The following DSC3 variants were observed in gnomAD, a reference collection of about 807,000 sequenced individuals.
DSC3 encodes the protein desmocollin-3.
DSC3 carries 97 observed loss-of-function variants against 89.5 expected under a neutral mutation model. The ratio of observed to expected loss-of-function variants is 1.08; its 90% CI spans 0.92 to 1.28. The LOEUF is 1.28. Ranked by LOEUF, DSC3 falls within the 50% of genes most tolerant of loss-of-function variation. The pLI is 0.00. For missense variants in DSC3, 1,199 were observed against 1,085.3 expected (o/e 1.10, Z -1.47); for synonymous variants, 436 against 384.1 (o/e 1.14, Z -1.58).
rs1405977539 is a variant in DSC3 at position 31,014,551 on chromosome 18, T to C, written c.1263+3520A>G. Among the ~76,000 whole-genome samples the C allele has an allele frequency of 2.0e-5, 3 of 152,072 alleles. No homozygotes were observed. The East Asian group carries it at 5.8e-4, about 29-fold the overall frequency. ...ATTTGAAAATTACTGGCCTTATTAA[T>C]AAATAAATGTAATAAAGAATCTATT... On this transcript the variant is annotated intron_variant, in intron 9 of 15. Transcript: ENST00000360428.
At chr18:31,012,233 T>C (rs1360663808) in intron 9 of DSC3, among the ~76,000 whole-genome samples, 2 of 152,120 alleles carry the variant, frequency 1.3e-5, no homozygotes, top group Non-Finnish European at 2.9e-5. Context: ...AAGGAGCTAG[T>C]AATGTCAGAA....
At position 31,024,207 on chromosome 18, in the gene DSC3, G is replaced by T. The variant is rs538480478; in HGVS notation, c.775+142C>A. On this transcript the variant is annotated intron_variant, in intron 6 of 15. Transcript: ENST00000360428. ...GGCACATGTTGATTGAAAGTGATGG[G>T]ATTAAGTGTTTTCTGGTAAGTAGAT... 7.2e-5 allele frequency: 52 copies of T among 723,006 alleles called. 1 individual carries two copies. The South Asian group carries it at 1.3e-3, about 18-fold the overall frequency. 44.8% of individuals were successfully genotyped at this position (723,006 alleles called of 1,614,324 possible).
chr18:31,028,242 T>C (rs1383536801), intron 4 of DSC3, among the ~76,000 whole-genome samples: 1 of 151,896 alleles, frequency 6.6e-6, no homozygotes. Flanking sequence ...ATGAGGAAGA[T>C]CCAGCCAAAC....
chr18:31,001,089 G>GTGTGTATATA (rs141615987), intron 14 of DSC3, among the ~76,000 whole-genome samples: 3 of 126,044 alleles, frequency 2.4e-5, no homozygotes, highest in East Asian at 3.0e-4. Context: ...TTGTGTGTGT[G>GTGTGTATATA]TATATATATA....
rs1984771667 is a variant in DSC3, at chr18:31,004,461, A to G, written c.1889-95T>C. On this transcript the variant is annotated intron_variant, in intron 12 of 15. Coordinates refer to ENST00000360428, the MANE Select transcript of DSC3 (RefSeq NM_001941.5). ...GCTTGTTTTTGAAGGCGTCATTCTC[A>G]AGGAACTGCCTGCCAGATGAAAATA... 1.8e-5 allele frequency: 19 copies of G among 1,082,164 alleles called. 1 individual carries two copies. In the South Asian group the frequency reaches 2.5e-4, roughly 14 times the overall value. The allele number at this position is 1,082,164 out of a possible 1,614,324, so 67.0% of individuals were successfully genotyped here. A position where few individuals can be genotyped will look rare whatever the true frequency, so the allele number is the denominator to read the frequency against.
intron 1 of DSC3, among the ~76,000 whole-genome samples, chr18:31,033,443 T>C (rs1481923707): frequency 6.6e-6 from 1 of 152,118 alleles, no homozygotes; most frequent in Non-Finnish European, 1.5e-5. Flanking sequence ...AGAACTTAAA[T>C]CCCAGAAATA....
At chr18:31,013,019 T>C (rs952763352) in intron 9 of DSC3, among the ~76,000 whole-genome samples, 2 of 152,104 alleles carry the variant, frequency 1.3e-5, no homozygotes, top group Non-Finnish European at 2.9e-5. Context: ...AAGGAAGATA[T>C]TCATAAGAAA....
intron 1 of DSC3, among the ~76,000 whole-genome samples, chr18:31,035,148 A>T (rs1004713075): frequency 6.6e-6 from 1 of 152,154 alleles, no homozygotes; most frequent in African/African-American, 2.4e-5. Flanking sequence ...TATGAAACAG[A>T]TTTCTGCACA....
intron 7 of DSC3, among the ~76,000 whole-genome samples, chr18:31,021,557 A>C (rs1462309425): frequency 1.3e-5 from 2 of 152,106 alleles, no homozygotes; most frequent in Non-Finnish European, 2.9e-5. Flanking sequence ...AGTCATATTG[A>C]CTCTTCTATA....
Position 31,018,245 on chromosome 18 carries a change from A to G in DSC3, c.1089T>C (p.Phe363=). 1 of 1,610,428 alleles carries G rather than the reference A, an allele frequency of 6.2e-7. No individual in the cohort carries two copies. The highest frequency in any genetic ancestry group is 8.5e-7 in the Non-Finnish European group (1 of 1,178,644). ...CCACATTGAATGCATTTTCCTCTAC[A>G]AATGCTTCATACTGAAACAGAAAGA... ...PTFRQNAYEA[F]VEENAFNVEI... is the part of the protein sequence containing the mutation. The change falls in exon 9 of 16, where the codon TTT becomes TTC. Residue 363 remains phenylalanine (F), a synonymous_variant. Coordinates refer to ENST00000360428, the MANE Select transcript of DSC3 (RefSeq NM_001941.5).
rs77167664 is a variant in DSC3 at position 31,026,151 on chromosome 18, G to C, written c.475-236C>G. Among the ~76,000 whole-genome samples, 9 of 152,164 alleles carry C rather than the reference G, an allele frequency of 5.9e-5. No individual in the cohort carries two copies. The East Asian group carries it at 1.7e-3, about 29-fold the overall frequency. On this transcript the variant is annotated intron_variant, in intron 4 of 15. Transcript: ENST00000360428. The stretch of plus-strand genomic sequence containing the variant: ...AAACTGACAAAAATTAAATGAATAA[G>C]CTATGAGGATAAACAGGGAAGGATC...
chr18:31,001,722 C>T lies in DSC3; in HGVS notation c.2131G>A (p.Val711Ile), dbSNP rs189638121. The change falls in exon 14 of 16, where the codon GTA becomes ATA. Residue 711 changes from valine (V) to isoleucine (I), a missense_variant. Transcript: ENST00000360428. The stretch of plus-strand genomic sequence containing the variant: ...TTAGTTGCACCAAAAACTCCACATA[C>T]TAAAGTTAGCAATACAGCTGAATTT... Reference protein sequence around the residue: ...ALLFSVLLTLVCGVFGATKGK... With the variant: ...ALLFSVLLTLICGVFGATKGK... 6.2e-7 allele frequency: 1 copy of T among 1,605,372 alleles called. No homozygotes were observed. Among genetic ancestry groups the T allele is most frequent in the Non-Finnish European group, 8.5e-7 (1 of 1,176,228 alleles).
Position 31,025,808 on chromosome 18 carries a change from A to G in DSC3, c.582T>C (p.Asn194=), listed in dbSNP as rs1157041929. The G allele has an allele frequency of 1.2e-6, 2 of 1,613,172 alleles. No homozygotes were observed. Among genetic ancestry groups the G allele is most frequent in the East Asian group, 2.2e-5 (1 of 44,840 alleles). The change falls in exon 5 of 16, where the codon AAT becomes AAC. Residue 194 remains asparagine (N), a synonymous_variant. Coordinates refer to ENST00000360428, the MANE Select transcript of DSC3 (RefSeq NM_001941.5). ...NLFYIERDTG[N]LFCTRPVDRE... Reference sequence around the variant, plus strand: ...GATCCACAGGCCGAGTGCAAAATAGATTTCCAGTGTCTCTTTCTATATAAA... The same window carrying G: ...GATCCACAGGCCGAGTGCAAAATAGGTTTCCAGTGTCTCTTTCTATATAAA...
chr18:30,997,177 T>A, intron 14 of DSC3, 129 bp from the exon 15 acceptor site: 1 of 1,209,678 alleles, frequency 8.3e-7, no homozygotes, highest in Non-Finnish European at 1.2e-6. Context: ...CAACAGACAT[T>A]TATCAGTTTC....
chr18:31,042,414 C>A (rs887203732), intron 1 of DSC3, among the ~76,000 whole-genome samples, 178 bp downstream of exon 1: 2 of 152,226 alleles, frequency 1.3e-5, no homozygotes, highest in African/African-American at 4.8e-5. Flanking sequence ...GACCCGCAAA[C>A]ACACGTTTTC....
chr18:31,020,707 G>A (rs1985390021), intron 7 of DSC3, among the ~76,000 whole-genome samples: 1 of 152,010 alleles, frequency 6.6e-6, no homozygotes, highest in African/African-American at 2.4e-5. Flanking sequence ...ACTTTGGGAG[G>A]CTGAGGCAGG....
intron 1 of DSC3, among the ~76,000 whole-genome samples, chr18:31,038,311 A>G (rs1782779430): frequency 6.6e-6 from 1 of 152,148 alleles, no homozygotes. Flanking sequence ...CTTATCACAA[A>G]CCTGGGCCTG....
Position 30,994,102 on chromosome 18 carries a change from A to G in DSC3, c.*73T>C. 1 of 1,422,648 alleles carries G rather than the reference A, an allele frequency of 7.0e-7. No homozygotes were observed. Among genetic ancestry groups the G allele is most frequent in the Non-Finnish European group, 9.9e-7 (1 of 1,010,578 alleles). 88.1% of individuals were successfully genotyped at this position (1,422,648 alleles called of 1,614,324 possible). On this transcript the variant is annotated 3_prime_UTR_variant, in exon 16 of 16. Coordinates refer to ENST00000360428, the MANE Select transcript of DSC3 (RefSeq NM_001941.5). ...AAATCATCATATACATACATGTTGA[A>G]ATTGAACTTTACAATATTATTTTTG...
intron 12 of DSC3, among the ~76,000 whole-genome samples, chr18:31,005,796 C>G (rs1276427524): frequency 1.3e-5 from 2 of 152,112 alleles, no homozygotes; most frequent in Non-Finnish European, 1.5e-5. Flanking sequence ...CACTGCAATG[C>G]AGGTAGCGAA....
Sources: gnomAD v4.1 joint callset for allele counts (sites outside exome capture counted in the v4.1 genomes callset) on GRCh38, gnomAD v4.1.1 for gene constraint, MANE v1.5 for transcripts, NCBI Gene and HGNC (gene_info 2026-07-23, HGNC 2026-07-21) for gene names.